Variants in CASP6 observed in about 807,000 individuals in gnomAD.
The protein encoded by CASP6 is caspase-6.
A neutral mutation model predicts 31.8 loss-of-function variants in CASP6; 20 were observed. The ratio of observed to expected loss-of-function variants is 0.63; its 90% CI spans 0.44 to 0.91. The LOEUF (loss-of-function observed/expected upper bound fraction) is 0.91, where lower values mean the gene tolerates loss of function less well. CASP6 is among the 40% of genes least tolerant of loss of function. The probability of loss-of-function intolerance (pLI) is 0.00; values close to 1 mark genes in which losing one functional copy is unlikely to be tolerated. For missense variants in CASP6, 328 were observed against 361.1 expected (o/e 0.91, Z 0.74); for synonymous variants, 130 against 127.8 (o/e 1.02, Z -0.12).
downstream of CASP6, chr4:109,684,808 C>T: frequency 1.8e-6 from 1 of 544,194 alleles, no homozygotes. Flanking sequence ...AATGAAGACT[C>T]ACAACACAGA....
chr4:109,684,540 G>A (rs777658522), downstream of CASP6: 2 of 1,612,866 alleles, frequency 1.2e-6, no homozygotes, highest in South Asian at 1.1e-5. Flanking sequence ...GCACTGGCCT[G>A]GCTCACGTGG....
chr4:109,695,660 GAACC>G (rs1730215902), intron 4 of CASP6, among the ~76,000 whole-genome samples: 1 of 150,414 alleles, frequency 6.6e-6, no homozygotes, highest in Non-Finnish European at 1.5e-5. Flanking sequence ...AGAATTGCTT[GAACC>G]CAGGAGGTGG....
At chr4:109,699,736 C>G (rs898324351) in intron 1 of CASP6, among the ~76,000 whole-genome samples, 1 of 152,212 alleles carries the variant, frequency 6.6e-6, no homozygotes, top group Non-Finnish European at 1.5e-5. Context: ...GATGAGAAAG[C>G]TGTTTAATCC....
downstream of CASP6, chr4:109,685,315 A>G: frequency 6.3e-7 from 1 of 1,594,046 alleles, no homozygotes; most frequent in Non-Finnish European, 8.6e-7. Context: ...AAATCAAAGC[A>G]ACAGCACTTT....
the CASP6 span, chr4:109,682,705 T>C: frequency 6.2e-6 from 10 of 1,613,800 alleles, no homozygotes; most frequent in African/African-American, 6.7e-5. Flanking sequence ...CTGGAGAAAA[T>C]TGACCACCTG....
downstream of CASP6, chr4:109,685,140 C>G: frequency 1.6e-6 from 1 of 610,420 alleles, no homozygotes; most frequent in Non-Finnish European, 2.9e-6. Flanking sequence ...ATATTTCACT[C>G]ATTCATCTGC....
chr4:109,664,411 T>A, the CASP6 span: 1 of 936,456 alleles, frequency 1.1e-6, no homozygotes, highest in Non-Finnish European at 1.7e-6. Flanking sequence ...AACACAGCTA[T>A]CCAACTATTA....
At chr4:109,666,840 T>G in the CASP6 span, among the ~76,000 whole-genome samples, 1 of 152,186 alleles carries the variant, frequency 6.6e-6, no homozygotes, top group African/African-American at 2.4e-5. Flanking sequence ...TCTGCATCTA[T>G]TGATATTATC....
At chr4:109,707,479 C>T (rs953449689), upstream of CASP6, among the ~76,000 whole-genome samples, 5 of 151,736 alleles carry the variant, frequency 3.3e-5, no homozygotes, top group Non-Finnish European at 7.4e-5. Flanking sequence ...CTCTGCCGCC[C>T]GGGTTCAAGC....
chr4:109,665,914 A>G, the CASP6 span, among the ~76,000 whole-genome samples: 15 of 152,008 alleles, frequency 9.9e-5, no homozygotes, highest in African/African-American at 3.6e-4. Flanking sequence ...AAAATACTAA[A>G]CAGTGAGAGA....
the CASP6 span, among the ~76,000 whole-genome samples, chr4:109,671,896 T>G: frequency 6.6e-6 from 1 of 152,164 alleles, no homozygotes; most frequent in Admixed American, 6.5e-5. Context: ...GTTTAATGTT[T>G]GCTGTAGCTG....
intron 4 of CASP6, among the ~76,000 whole-genome samples, chr4:109,695,053 C>T (rs139794521): frequency 6.6e-6 from 1 of 152,142 alleles, no homozygotes; most frequent in African/African-American, 2.4e-5. Context: ...TAGTCTCGAA[C>T]TCCTGACCTC....
At chr4:109,694,414 C>T (rs1027481316) in intron 5 of CASP6, 111 bp downstream of exon 5, 12 of 940,150 alleles carry the variant, frequency 1.3e-5, no homozygotes, top group South Asian at 4.2e-5. Context: ...AATTCAAAAA[C>T]GGCCTGTCCA....
chr4:109,682,802 C>CACATGAGGAGCA, the CASP6 span: 1 of 1,298,884 alleles, frequency 7.7e-7, no homozygotes. Context: ...ATTGAGTGCT[C>CACATGAGGAGCA]CTCATGTGAG....
intron 3 of CASP6, among the ~76,000 whole-genome samples, chr4:109,697,084 C>T (rs911508129): frequency 2.0e-5 from 3 of 151,864 alleles, no homozygotes; most frequent in African/African-American, 7.3e-5. Context: ...CCATGCCCGG[C>T]CAACTCAGGC....
chr4:109,700,629 G>T (rs549804525), intron 1 of CASP6, among the ~76,000 whole-genome samples: 1 of 151,866 alleles, frequency 6.6e-6, no homozygotes, highest in Non-Finnish European at 1.5e-5. Flanking sequence ...TTAATGCTAC[G>T]GATGTAGAAA....
chr4:109,703,715 C>A, upstream of CASP6: 1 of 477,698 alleles, frequency 2.1e-6, no homozygotes, highest in Non-Finnish European at 3.7e-6. Flanking sequence ...GGGGGACACA[C>A]AGACCGCCTA....
the CASP6 span, among the ~76,000 whole-genome samples, chr4:109,672,623 T>C: frequency 6.6e-6 from 1 of 152,226 alleles, no homozygotes; most frequent in Non-Finnish European, 1.5e-5. Context: ...GTGCTGAGCA[T>C]CTACTGGTAA....
At chr4:109,687,661 T>A (rs1729881899), downstream of CASP6, 1 of 892,690 alleles carries the variant, frequency 1.1e-6, no homozygotes, top group Non-Finnish European at 1.8e-6. Context: ...TGTTTTTGAG[T>A]CCCATGGTTC....
Sources: allele counts gnomAD v4.1 joint callset (sites outside exome capture counted in the v4.1 genomes callset), GRCh38; gene constraint gnomAD v4.1.1; transcripts MANE v1.5; gene names NCBI Gene and HGNC (gene_info 2026-07-23, HGNC 2026-07-21).